Variants in PRMT8 observed in about 807,000 individuals in gnomAD.
The protein encoded by PRMT8 is protein arginine methyltransferase 8, also known as protein arginine N-methyltransferase 8.
In PRMT8, 7 loss-of-function variants were observed where a neutral mutation model predicts 47.1. The observed-to-expected ratio is 0.15, with a 90% CI of 0.08 to 0.28. The LOEUF (loss-of-function observed/expected upper bound fraction) is 0.28, where lower values mean the gene tolerates loss of function less well. PRMT8 is among the 10% of genes least tolerant of loss of function. The probability of loss-of-function intolerance (pLI) is 1.00; values close to 1 mark genes in which losing one functional copy is unlikely to be tolerated. For missense variants in PRMT8, 237 were observed against 505.4 expected (o/e 0.47, Z 5.09); for synonymous variants, 188 against 186.5 (o/e 1.01, Z -0.07).
chr12:3,438,678 T>G lies in PRMT8; in HGVS notation c.48+57236T>G, dbSNP rs567137878. 3.9e-5 allele frequency among the ~76,000 whole-genome samples: 6 copies of G among 152,366 alleles called. No homozygotes were observed. The East Asian group carries it at 1.2e-3, about 29-fold the overall frequency. On this transcript the variant is annotated intron_variant, in intron 1 of 9. Coordinates refer to the PRMT8 transcript ENST00000452611. ...ACCCCTCCGTCCATTTGCACAGGTT[T>G]ACTTATCTATGCACTCAGAACTTTC...
chr12:3,437,777 G>T (rs894039060), intron 1 of PRMT8, among the ~76,000 whole-genome samples: 1 of 151,994 alleles, frequency 6.6e-6, no homozygotes, highest in African/African-American at 2.4e-5. Flanking sequence ...CTCTAAGGTC[G>T]TCTAGCCTCA....
At chr12:3,498,414 G>C (rs1026649584) in intron 1 of PRMT8, among the ~76,000 whole-genome samples, 1 of 152,212 alleles carries the variant, frequency 6.6e-6, no homozygotes, top group Non-Finnish European at 1.5e-5. Context: ...AGAAGCCTAG[G>C]AAGAGACACC....
intron 1 of PRMT8, among the ~76,000 whole-genome samples, chr12:3,391,297 A>G (rs1438480946): frequency 6.6e-6 from 1 of 152,222 alleles, no homozygotes; most frequent in African/African-American, 2.4e-5. Context: ...ATACAACAGA[A>G]TACATGCTTA....
intron 4 of PRMT8, among the ~76,000 whole-genome samples, chr12:3,560,826 C>T (rs935981797): frequency 1.3e-5 from 2 of 152,170 alleles, no homozygotes; most frequent in Admixed American, 1.3e-4. Flanking sequence ...ATCTCTTCCC[C>T]CTTCTGAGCC....
Position 3,550,118 on chromosome 12 carries a change from C to G in PRMT8, c.417+27C>G. 2 of 1,610,240 alleles carry G rather than the reference C, an allele frequency of 1.2e-6. No individual in the cohort carries two copies. The highest frequency in any genetic ancestry group is 1.7e-6 in the Non-Finnish European group (2 of 1,177,658). ...TGAGCACGCCGCTTCCTCCTGCATG[C>G]TGGCTTCCACAGAGCCAGCCTCTTG... On this transcript the variant is annotated intron_variant, in intron 3 of 9. Coordinates refer to ENST00000382622, the MANE Select transcript of PRMT8 (RefSeq NM_019854.5). This position sits in a 1 kb window ranked among gnomAD's most constrained non-coding sequence, Gnocchi z 5.1.
upstream of PRMT8, among the ~76,000 whole-genome samples, chr12:3,489,949 CCT>C (rs1314363248): frequency 6.6e-6 from 1 of 152,134 alleles, no homozygotes. Context: ...TGCAATGTAT[CCT>C]CTCTTTGCCC....
intron 1 of PRMT8, among the ~76,000 whole-genome samples, chr12:3,438,807 A>T (rs1864771034): frequency 6.6e-6 from 1 of 152,232 alleles, no homozygotes; most frequent in African/African-American, 2.4e-5. Flanking sequence ...AGCTAAGTAT[A>T]TTCTATTTAT....
chr12:3,556,409 A>G (rs1866528679), intron 4 of PRMT8, among the ~76,000 whole-genome samples: 1 of 152,100 alleles, frequency 6.6e-6, no homozygotes, highest in South Asian at 2.1e-4. Context: ...GAGGAGGACC[A>G]TGAAGCCCAG....
chr12:3,466,263 C>T (rs7309451), intron 1 of PRMT8, among the ~76,000 whole-genome samples: 143,676 of 152,260 alleles, frequency 0.94, 68,112 homozygotes, highest in East Asian at 0.99. Context: ...CCTGTGGGCT[C>T]GTGGGACTGA....
At chr12:3,523,290 C>T (rs193257783) in intron 1 of PRMT8, among the ~76,000 whole-genome samples, 49 of 152,268 alleles carry the variant, frequency 3.2e-4, no homozygotes, top group South Asian at 2.7e-3. Context: ...AAGGGCCCTA[C>T]GCCACCTAAC....
rs1866552667 is a variant in PRMT8 at position 3,557,745 on chromosome 12, G to A, written c.481+4031G>A. Among the ~76,000 whole-genome samples the A allele has an allele frequency of 1.3e-5, 2 of 152,158 alleles. No homozygotes were observed. The highest frequency in any genetic ancestry group is 4.1e-4 in the South Asian group (2 of 4,826). On this transcript the variant is annotated intron_variant, in intron 4 of 9. Transcript: ENST00000382622. The surrounding 1 kb of genome is among the most constrained non-coding windows in gnomAD (Gnocchi z 4.7). ...GAGGCTAGGAGAGGTGGGTGACTGA[G>A]CCCTTTGCTAAGGTGTGTTTGTGTG... is the stretch of plus-strand genomic sequence containing the variant.
At chr12:3,544,694 C>T (rs758210511) in intron 2 of PRMT8, among the ~76,000 whole-genome samples, 13 of 152,118 alleles carry the variant, frequency 8.5e-5, no homozygotes, top group African/African-American at 2.7e-4. Context: ...GCCCTTGTTC[C>T]GGCAGGATGT....
intron 8 of PRMT8, among the ~76,000 whole-genome samples, chr12:3,586,972 A>T (rs144232540): frequency 6.6e-6 from 1 of 152,200 alleles, no homozygotes; most frequent in African/African-American, 2.4e-5. Flanking sequence ...CTCTGTTTCT[A>T]GCAGGTAGCA....
chr12:3,475,112 C>T (rs977179301), intron 1 of PRMT8, among the ~76,000 whole-genome samples: 2 of 152,168 alleles, frequency 1.3e-5, no homozygotes, highest in South Asian at 4.1e-4. Flanking sequence ...GACTGCCTGG[C>T]CACTAAAAGA....
At chr12:3,397,446 G>T (rs1259088062) in intron 1 of PRMT8, among the ~76,000 whole-genome samples, 1 of 150,944 alleles carries the variant, frequency 6.6e-6, no homozygotes, top group African/African-American at 2.4e-5. Context: ...ACCCTCAGCT[G>T]CAGGTCTGTT....
chr12:3,400,965 G>T (rs1487272071), intron 1 of PRMT8, among the ~76,000 whole-genome samples: 41 of 151,930 alleles, frequency 2.7e-4, no homozygotes. Flanking sequence ...TCAACATGGA[G>T]AAACCCTGTC....
rs7313610 is a variant in PRMT8, at chr12:3,514,807, G to A, written c.75+23107G>A. Among the ~76,000 whole-genome samples, 15,747 of 152,072 alleles carry A rather than the reference G, an allele frequency of 0.1. 1,031 individuals are homozygous for A. Among genetic ancestry groups the A allele is most frequent in the African/African-American group, 0.18 (7,628 of 41,462 alleles). On this transcript the variant is annotated intron_variant, in intron 1 of 9. Coordinates refer to ENST00000382622, the MANE Select transcript of PRMT8 (RefSeq NM_019854.5). The surrounding 1 kb of genome is among the most constrained non-coding windows in gnomAD (Gnocchi z 5.9). Reference sequence around the variant, plus strand: ...GCTCTTTCCCCGACCTGAAACTTTCGTGTAGCAGACCCCATACTCCTTCAT... The same window carrying A: ...GCTCTTTCCCCGACCTGAAACTTTCATGTAGCAGACCCCATACTCCTTCAT...
chr12:3,486,157 T>C (rs1024196430), intron 1 of PRMT8, among the ~76,000 whole-genome samples: 1 of 152,176 alleles, frequency 6.6e-6, no homozygotes. Context: ...GTAAAAAGAA[T>C]GTGTCTCCAG....
intron 1 of PRMT8, among the ~76,000 whole-genome samples, chr12:3,486,093 T>C (rs1186734651): frequency 6.6e-6 from 1 of 152,194 alleles, no homozygotes; most frequent in Non-Finnish European, 1.5e-5. Context: ...GAAAAGGCTA[T>C]AAAACTTCTC....
Sources: gnomAD v4.1 joint callset for allele counts (sites outside exome capture counted in the v4.1 genomes callset) on GRCh38, gnomAD v4.1.1 for gene constraint, Gnocchi (gnomAD v3.1) non-coding constraint, MANE v1.5 for transcripts, NCBI Gene and HGNC (gene_info 2026-07-23, HGNC 2026-07-21) for gene names.